Variants in PTPRG observed in about 807,000 individuals in gnomAD.
PTPRG encodes receptor-type tyrosine-protein phosphatase gamma.
Under a neutral mutation model 165.3 loss-of-function variants are expected in PTPRG, and 102 were observed. That is an observed-to-expected ratio of 0.62 (90% confidence interval 0.53 to 0.73). The LOEUF (loss-of-function observed/expected upper bound fraction) is 0.73. Ranked by LOEUF, PTPRG falls within the 30% of genes least tolerant of loss-of-function variation. The pLI is 0.00. For missense variants in PTPRG, 1,866 were observed against 1,861.4 expected, an observed-to-expected ratio of 1.00 and a Z score of -0.05; for synonymous variants, 675 against 669.5, an observed-to-expected ratio of 1.01 and a Z score of -0.13.
chr3:61,674,641 C>A (rs537928668), intron 1 of PTPRG, among the ~76,000 whole-genome samples: 1 of 152,152 alleles, frequency 6.6e-6, no homozygotes, highest in African/African-American at 2.4e-5. Context: ...TGTTGAGCAG[C>A]TGTTTGTTGA....
chr3:61,970,699 A>C (rs2040363069), intron 2 of PTPRG, among the ~76,000 whole-genome samples: 1 of 152,140 alleles, frequency 6.6e-6, no homozygotes, highest in Admixed American at 6.6e-5. Flanking sequence ...ACTCTTAAAA[A>C]AATTCTAGGA....
intron 2 of PTPRG, among the ~76,000 whole-genome samples, chr3:61,873,981 G>A (rs533935634): frequency 6.6e-6 from 1 of 152,266 alleles, no homozygotes; most frequent in East Asian, 1.9e-4. Flanking sequence ...ACTGGACAGT[G>A]TTTGACACAG....
chr3:61,819,652 A>G (rs986599151), intron 2 of PTPRG, among the ~76,000 whole-genome samples: 4 of 152,222 alleles, frequency 2.6e-5, no homozygotes, highest in African/African-American at 9.6e-5. Flanking sequence ...TTCTACATCT[A>G]TCAATTTACA....
chr3:62,082,033 T>C (rs1701600340), intron 5 of PTPRG, among the ~76,000 whole-genome samples: 2 of 152,158 alleles, frequency 1.3e-5, no homozygotes, highest in Non-Finnish European at 2.9e-5. Context: ...ACTCCTCTAC[T>C]TGTAAAAAGG....
intron 4 of PTPRG, among the ~76,000 whole-genome samples, chr3:62,015,259 A>G (rs1575889765): frequency 6.6e-6 from 1 of 152,192 alleles, no homozygotes; most frequent in African/African-American, 2.4e-5. Context: ...GCCCTGAGAC[A>G]GGAGCCTGCC....
intron 1 of PTPRG, among the ~76,000 whole-genome samples, chr3:61,664,663 T>G (rs1702755706): frequency 6.6e-6 from 1 of 152,088 alleles, no homozygotes; most frequent in African/African-American, 2.4e-5. Flanking sequence ...AAACCCCACC[T>G]CTACAGAAGA....
At chr3:61,654,407 C>G (rs925798229) in intron 1 of PTPRG, among the ~76,000 whole-genome samples, 3 of 151,826 alleles carry the variant, frequency 2.0e-5, no homozygotes, top group African/African-American at 7.3e-5. Flanking sequence ...TTTTTTGAGA[C>G]AGGGTCTCAC....
At chr3:62,014,740 A>C (rs1056757079) in intron 4 of PTPRG, among the ~76,000 whole-genome samples, 1 of 152,142 alleles carries the variant, frequency 6.6e-6, no homozygotes, top group Non-Finnish European at 1.5e-5. Context: ...GCCTGTCTCT[A>C]TCTCTTTCAT....
chr3:62,285,651 G>A (rs1406799053), intron 28 of PTPRG, among the ~76,000 whole-genome samples: 1 of 151,958 alleles, frequency 6.6e-6, no homozygotes, highest in East Asian at 1.9e-4. Flanking sequence ...AAGACAAACT[G>A]CTTCATTCTC....
intron 2 of PTPRG, among the ~76,000 whole-genome samples, chr3:61,802,342 A>T (rs926493463): frequency 6.6e-6 from 1 of 152,148 alleles, no homozygotes; most frequent in Non-Finnish European, 1.5e-5. Context: ...ATGGCAAAAT[A>T]GAGCTTGAGA....
chr3:61,936,046 C>T (rs574238011), intron 2 of PTPRG, among the ~76,000 whole-genome samples: 1 of 152,232 alleles, frequency 6.6e-6, no homozygotes, highest in African/African-American at 2.4e-5. Context: ...CTGTCTTGCC[C>T]TTCTATTCCC....
chr3:61,903,554 A>G (rs1025370805), intron 2 of PTPRG, among the ~76,000 whole-genome samples: 3 of 151,984 alleles, frequency 2.0e-5, no homozygotes, highest in Non-Finnish European at 4.4e-5. Flanking sequence ...TTGTATGTTT[A>G]GTAGAGACAG....
chr3:62,246,953 A>G (rs1343921698), intron 15 of PTPRG, among the ~76,000 whole-genome samples: 2 of 152,132 alleles, frequency 1.3e-5, no homozygotes, highest in African/African-American at 2.4e-5. Context: ...CTGGCTAAAA[A>G]TATGTGCAGC....
intron 4 of PTPRG, 101 bp from the exon 5 acceptor site, chr3:62,078,062 C>A: frequency 1.0e-5 from 7 of 699,588 alleles, no homozygotes; most frequent in East Asian, 7.1e-5. Flanking sequence ...TTGGCAAAAT[C>A]TTATTAGCAA....
intron 8 of PTPRG, among the ~76,000 whole-genome samples, chr3:62,187,948 T>A (rs1213568296): frequency 1.3e-5 from 2 of 152,172 alleles, no homozygotes; most frequent in African/African-American, 2.4e-5. Flanking sequence ...CTACCTCCTT[T>A]GAGAGCTTAA....
At position 61,576,167 on chromosome 3, in the gene PTPRG, G is replaced by T. The variant is rs543714173; in HGVS notation, c.85+13795G>T. ...GGAGTGTGATGAATTAAGGCTCACA[G>T]GGCTACCAGGAAGAGGTTTTTTGTT... On this transcript the variant is annotated intron_variant, in intron 1 of 29. Transcript: ENST00000474889. Among the ~76,000 whole-genome samples, 110 of 152,300 alleles carry T rather than the reference G, an allele frequency of 7.2e-4. 1 individual carries two copies. Among genetic ancestry groups the T allele is most frequent in the African/African-American group, 2.6e-3 (108 of 41,570 alleles).
chr3:62,258,791 T>C (rs1701610201), intron 16 of PTPRG, among the ~76,000 whole-genome samples: 1 of 152,226 alleles, frequency 6.6e-6, no homozygotes, highest in Admixed American at 6.5e-5. Context: ...ACCATTACCT[T>C]GGCTACCTGA....
intron 5 of PTPRG, among the ~76,000 whole-genome samples, chr3:62,080,061 C>CTTTT (rs774262138): frequency 0.014 from 1,575 of 111,480 alleles, 156 homozygotes; most frequent in African/African-American, 0.053. Context: ...CCCTTCGGTT[C>CTTTT]ATTTTTTTTT....
chr3:61,634,175 A>G lies in PTPRG; in HGVS notation c.85+71803A>G, dbSNP rs139748596. ...AAGAGATCTGTGTGCCATATGATCT[A>G]TATACATTAATTTCTTACTGAAGCA... is the stretch of plus-strand genomic sequence containing the variant. On this transcript the variant is annotated intron_variant, in intron 1 of 29. Coordinates refer to ENST00000474889, the MANE Select transcript of PTPRG (RefSeq NM_002841.4). Among the ~76,000 whole-genome samples, 584 of 151,968 alleles carry G rather than the reference A, an allele frequency of 3.8e-3. 2 individuals carry two copies. The highest frequency in any genetic ancestry group is 0.014 in the Middle Eastern group (4 of 294).
Sources: allele counts gnomAD v4.1 joint callset (sites outside exome capture counted in the v4.1 genomes callset), GRCh38; gene constraint gnomAD v4.1.1; transcripts MANE v1.5; gene names NCBI Gene and HGNC (gene_info 2026-07-23, HGNC 2026-07-21).